Variants in MAPK10 observed in about 807,000 individuals in gnomAD.
MAPK10 encodes mitogen-activated protein kinase 10, also known as JNK3 alpha protein kinase.
MAPK10 carries 25 observed loss-of-function variants against 59.3 expected under a neutral mutation model. The observed-to-expected ratio is 0.42, with a 90% CI of 0.31 to 0.59. MAPK10 has a LOEUF of 0.59. MAPK10 is among the 20% of genes least tolerant of loss of function. MAPK10 has a pLI of 0.15. For synonymous variants in MAPK10, 190 were observed against 200.5 expected (o/e 0.95, Z 0.44); for missense variants, 351 against 568.9 (o/e 0.62, Z 3.90).
intron 2 of MAPK10, among the ~76,000 whole-genome samples, chr4:86,324,213 C>G (rs912843368): frequency 1.3e-5 from 2 of 152,060 alleles, no homozygotes; most frequent in Admixed American, 6.6e-5. Flanking sequence ...TCGAGACCAG[C>G]CTGACCAACA....
chr4:86,198,790 CAT>C (rs2081982691), intron 2 of MAPK10, among the ~76,000 whole-genome samples: 3 of 151,542 alleles, frequency 2.0e-5, no homozygotes, highest in Non-Finnish European at 2.9e-5. Context: ...AAGTAGTCCA[CAT>C]GTTTGAAATA....
intron 4 of MAPK10, among the ~76,000 whole-genome samples, chr4:86,156,770 C>T (rs756076597): frequency 1.3e-5 from 2 of 151,980 alleles, no homozygotes; most frequent in Non-Finnish European, 2.9e-5. Flanking sequence ...AGAAAAAACA[C>T]TAATGAGACC....
chr4:86,142,049 C>T (rs2063751577), intron 4 of MAPK10, among the ~76,000 whole-genome samples: 1 of 152,134 alleles, frequency 6.6e-6, no homozygotes, highest in South Asian at 2.1e-4. Flanking sequence ...AAGAATTAAT[C>T]CAATCTCTCA....
intron 4 of MAPK10, among the ~76,000 whole-genome samples, chr4:86,134,436 T>A (rs944030304): frequency 1.3e-5 from 2 of 152,200 alleles, no homozygotes; most frequent in Admixed American, 1.3e-4. Context: ...CAATTAATAA[T>A]CAGATTTTGC....
At chr4:86,568,715 A>G (rs1761236484) in intron 1 of MAPK10, among the ~76,000 whole-genome samples, 1 of 152,224 alleles carries the variant, frequency 6.6e-6, no homozygotes, top group Non-Finnish European at 1.5e-5. Context: ...TATTCAATAT[A>G]TGGTGCTGGG....
chr4:86,285,654 C>T (rs148643212), intron 2 of MAPK10, among the ~76,000 whole-genome samples: 15 of 152,118 alleles, frequency 9.9e-5, no homozygotes, highest in Middle Eastern at 3.4e-3. Flanking sequence ...ATATAGTTAC[C>T]GTATTAATCA....
At chr4:86,288,472 C>G (rs2095105290) in intron 2 of MAPK10, among the ~76,000 whole-genome samples, 2 of 151,900 alleles carry the variant, frequency 1.3e-5, no homozygotes, top group Non-Finnish European at 2.9e-5. Context: ...GAATGTCACT[C>G]AACTATTTTC....
intron 9 of MAPK10, among the ~76,000 whole-genome samples, chr4:86,096,463 G>T (rs1369548985): frequency 6.6e-6 from 1 of 151,834 alleles, no homozygotes; most frequent in East Asian, 1.9e-4. Context: ...AAAGCAATCC[G>T]CATAAATGCC....
chr4:86,295,004 G>T (rs1055167547), intron 2 of MAPK10, among the ~76,000 whole-genome samples: 1 of 152,138 alleles, frequency 6.6e-6, no homozygotes, highest in African/African-American at 2.4e-5. Flanking sequence ...CTTGCTAGAG[G>T]CCTCAGAAGG....
intron 9 of MAPK10, among the ~76,000 whole-genome samples, chr4:86,075,997 CTGGG>C (rs2049297309): frequency 6.8e-6 from 1 of 146,400 alleles, no homozygotes. Flanking sequence ...CCCAGCCCTC[CTGGG>C]GCCTTGCAGT....
chr4:86,147,711 A>G (rs2065348607), intron 4 of MAPK10, among the ~76,000 whole-genome samples: 1 of 152,236 alleles, frequency 6.6e-6, no homozygotes, highest in African/African-American at 2.4e-5. Flanking sequence ...TATCTGTGAT[A>G]TTTATTATCA....
chr4:86,534,026 C>T (rs956702136), intron 1 of MAPK10, among the ~76,000 whole-genome samples: 2 of 152,178 alleles, frequency 1.3e-5, no homozygotes, highest in African/African-American at 4.8e-5. Flanking sequence ...CCCAGGGATC[C>T]TGTTGCCATA....
At chr4:86,358,405 T>C (rs745718376) in intron 1 of MAPK10, 27 of 983,318 alleles carry the variant, frequency 2.7e-5, no homozygotes, top group Admixed American at 1.2e-4. Context: ...AACTGTAGTC[T>C]ATCCCATATG....
chr4:86,242,346 C>T (rs1444132837), intron 2 of MAPK10, among the ~76,000 whole-genome samples: 1 of 152,108 alleles, frequency 6.6e-6, no homozygotes, highest in African/African-American at 2.4e-5. Flanking sequence ...GCACGGGGAG[C>T]AGGACCCATT....
chr4:86,223,477 G>T (rs1462791151), intron 2 of MAPK10, among the ~76,000 whole-genome samples: 1 of 152,202 alleles, frequency 6.6e-6, no homozygotes, highest in Non-Finnish European at 1.5e-5. Context: ...GAGAATGGAG[G>T]CTCTCACAGG....
At chr4:86,032,553 T>C (rs2039295562) in intron 11 of MAPK10, 1 of 152,156 alleles carries the variant, frequency 6.6e-6, no homozygotes, top group Non-Finnish European at 1.5e-5. Flanking sequence ...CACAGACCTT[T>C]CAAAAATGGC....
At chr4:86,054,737 C>T (rs938790746) in intron 11 of MAPK10, among the ~76,000 whole-genome samples, 2 of 152,146 alleles carry the variant, frequency 1.3e-5, no homozygotes, top group Admixed American at 6.5e-5. Flanking sequence ...CAACTCCACA[C>T]TGAAAGAGTC....
chr4:86,559,000 G>C (rs1760473160), intron 1 of MAPK10, among the ~76,000 whole-genome samples: 1 of 152,046 alleles, frequency 6.6e-6, no homozygotes, highest in Admixed American at 6.5e-5. Flanking sequence ...TGTGTTCTTT[G>C]TGAACTGAAG....
intron 4 of MAPK10, among the ~76,000 whole-genome samples, chr4:86,116,193 C>T (rs1646669590): frequency 6.6e-6 from 1 of 152,138 alleles, no homozygotes; most frequent in African/African-American, 2.4e-5. Flanking sequence ...CAAACTCTGG[C>T]ACTTCTTGGC....
Sources: allele counts gnomAD v4.1 joint callset (sites outside exome capture counted in the v4.1 genomes callset), GRCh38; gene constraint gnomAD v4.1.1; transcripts MANE v1.5; gene names NCBI Gene and HGNC (gene_info 2026-07-23, HGNC 2026-07-21).